IGSF21: variants seen among roughly 807,000 people sequenced by gnomAD.
IGSF21 encodes immunoglobin superfamily member 21, also known as immunoglobulin superfamily member 21.
Under a neutral mutation model 46.8 loss-of-function variants are expected in IGSF21, and 28 were observed. The observed-to-expected ratio is 0.60, with a 90% confidence interval of 0.44 to 0.82. The LOEUF (loss-of-function observed/expected upper bound fraction) is 0.82, where lower values mean the gene tolerates loss of function less well. Among genes scored for constraint, IGSF21 ranks in the 40% least tolerant of loss-of-function variants. The probability of loss-of-function intolerance (pLI) is 0.00; values close to 1 mark genes in which losing one functional copy is unlikely to be tolerated. For synonymous variants in IGSF21, 284 were observed against 273.6 expected, an observed-to-expected ratio of 1.04 and a Z score of -0.38; for missense variants, 624 against 665.5, an observed-to-expected ratio of 0.94 and a Z score of 0.69.
intron 4 of IGSF21, among the ~76,000 whole-genome samples, chr1:18,359,362 G>GAAAGA (rs2086061937): frequency 6.0e-5 from 5 of 82,734 alleles, no homozygotes; most frequent in African/African-American, 2.3e-4. Context: ...AAGAAAGAAA[G>GAAAGA]AAAGAAAGAA....
chr1:18,145,420 G>A (rs767150863), intron 1 of IGSF21, among the ~76,000 whole-genome samples: 8 of 151,890 alleles, frequency 5.3e-5, no homozygotes, highest in East Asian at 1.9e-4. Context: ...TGAAAACTCC[G>A]CTGTAAAATC....
At chr1:18,354,377 T>C (rs376676722) in intron 4 of IGSF21, among the ~76,000 whole-genome samples, 2 of 151,368 alleles carry the variant, frequency 1.3e-5, no homozygotes, top group East Asian at 1.9e-4. Flanking sequence ...GTGGAGATGA[T>C]GGGGAAGAAA....
chr1:18,170,445 C>T (rs1049443559), intron 1 of IGSF21, among the ~76,000 whole-genome samples: 11 of 151,856 alleles, frequency 7.2e-5, no homozygotes, highest in Non-Finnish European at 1.5e-4. Flanking sequence ...TACAGAGTGC[C>T]AGGTCCCACT....
At chr1:18,108,766 T>C (rs2086114931) in intron 1 of IGSF21, among the ~76,000 whole-genome samples, 1 of 151,490 alleles carries the variant, frequency 6.6e-6, no homozygotes, top group East Asian at 2.0e-4. Flanking sequence ...TGCAGGTCTC[T>C]AGGGGTGTAC....
intron 2 of IGSF21, among the ~76,000 whole-genome samples, chr1:18,246,329 T>A (rs1306124767): frequency 1.3e-5 from 2 of 152,094 alleles, no homozygotes; most frequent in African/African-American, 4.8e-5. Context: ...CCTTCCTGCC[T>A]ATAGATTTGC....
At chr1:18,120,920 A>G (rs1349852786) in intron 1 of IGSF21, among the ~76,000 whole-genome samples, 1 of 152,068 alleles carries the variant, frequency 6.6e-6, no homozygotes, top group Non-Finnish European at 1.5e-5. Context: ...GCCCTAGTCC[A>G]TCTCACTGAT....
chr1:18,369,227 A>G (rs539282669), intron 6 of IGSF21, among the ~76,000 whole-genome samples: 31 of 152,234 alleles, frequency 2.0e-4, no homozygotes, highest in African/African-American at 7.0e-4. Flanking sequence ...GAGAATTCAG[A>G]CTTCTTAACG....
chr1:18,286,638 G>A (rs942230777), intron 2 of IGSF21, among the ~76,000 whole-genome samples: 10 of 152,290 alleles, frequency 6.6e-5, no homozygotes, highest in Non-Finnish European at 1.3e-4. Context: ...CCACTGTCCC[G>A]CCTGGGCCAG....
At chr1:18,343,057 T>A (rs1394510403) in intron 4 of IGSF21, among the ~76,000 whole-genome samples, 1 of 152,228 alleles carries the variant, frequency 6.6e-6, no homozygotes, top group Non-Finnish European at 1.5e-5. Flanking sequence ...TCCCACCAAC[T>A]GCATATGAGT....
chr1:18,209,570 T>G (rs987241191), intron 1 of IGSF21, among the ~76,000 whole-genome samples: 4 of 151,076 alleles, frequency 2.6e-5, no homozygotes, highest in African/African-American at 9.7e-5. Flanking sequence ...TTCTCCTGCC[T>G]CAGCCTCCCT....
At position 18,335,211 on chromosome 1, in the gene IGSF21, C is replaced by T. The variant is rs78256626; in HGVS notation, c.424+201C>T. Among the ~76,000 whole-genome samples, 225 of 152,316 alleles carry T rather than the reference C, an allele frequency of 1.5e-3. 2 individuals are homozygous for T. In the East Asian group the frequency reaches 0.021, roughly 14 times the overall value. The stretch of plus-strand genomic sequence containing the variant: ...AGGTGTGACCCGTGAAGTCTTGCCC[C>T]CCATGGGCCTCCCCTCAGGAGGTCC... On this transcript the variant is annotated intron_variant, in intron 4 of 9. Transcript: ENST00000251296. This position sits in a 1 kb window ranked among gnomAD's most constrained non-coding sequence, Gnocchi z 4.8.
chr1:18,126,123 T>C (rs544535216), intron 1 of IGSF21, among the ~76,000 whole-genome samples: 21 of 152,198 alleles, frequency 1.4e-4, no homozygotes, highest in African/African-American at 3.6e-4. Flanking sequence ...CAACTTCCCA[T>C]AGAGGTGCCC....
chr1:18,378,212 G>A (rs1320408962), intron 9 of IGSF21, 44 bp from the exon 10 acceptor site: 1 of 1,524,450 alleles, frequency 6.6e-7, no homozygotes, highest in Admixed American at 1.7e-5. Context: ...CTGGAACGGG[G>A]TTGGGTCTGC....
intron 1 of IGSF21, among the ~76,000 whole-genome samples, chr1:18,184,063 T>G (rs2086881121): frequency 6.6e-6 from 1 of 152,156 alleles, no homozygotes; most frequent in African/African-American, 2.4e-5. Flanking sequence ...TTCTGGAGTC[T>G]GGGTTCACAT....
intron 2 of IGSF21, among the ~76,000 whole-genome samples, chr1:18,273,797 G>A (rs892830954): frequency 6.6e-6 from 1 of 151,954 alleles, no homozygotes; most frequent in Non-Finnish European, 1.5e-5. Context: ...TCCTGCAGAC[G>A]AGGTGGGAGG....
At chr1:18,324,649 T>A (rs1219558942) in intron 3 of IGSF21, among the ~76,000 whole-genome samples, 1 of 152,144 alleles carries the variant, frequency 6.6e-6, no homozygotes, top group Non-Finnish European at 1.5e-5. Flanking sequence ...GGGAGAGCTA[T>A]TAAAGGAATG....
chr1:18,250,235 A>G (rs1311171288), intron 2 of IGSF21, among the ~76,000 whole-genome samples: 3 of 151,720 alleles, frequency 2.0e-5, no homozygotes, highest in African/African-American at 7.3e-5. Context: ...CTCAGGTGCC[A>G]GGGCTGTGTC....
At position 18,361,043 on chromosome 1, in the gene IGSF21, G is replaced by C. The variant is rs2086094997; in HGVS notation, c.425-1072G>C. Among the ~76,000 whole-genome samples, 3 of 152,250 alleles carry C rather than the reference G, an allele frequency of 2.0e-5. No individual in the cohort carries two copies. The South Asian group carries it at 6.2e-4, about 32-fold the overall frequency. On this transcript the variant is annotated intron_variant, in intron 4 of 9. Coordinates refer to ENST00000251296, the MANE Select transcript of IGSF21 (RefSeq NM_032880.5). The stretch of plus-strand genomic sequence containing the variant: ...TGGGTGAGGAGAGAAGAGAGGTTGA[G>C]TGGGTGGGAGGGGTGGCCAACAAAA...
At chr1:18,113,262 G>A (rs1423445273) in intron 1 of IGSF21, 1 of 152,138 alleles carries the variant, frequency 6.6e-6, no homozygotes, top group Non-Finnish European at 1.5e-5. Context: ...GGGAAGATTG[G>A]GGTGGTGAGA....
Sources: gnomAD v4.1 joint callset for allele counts (sites outside exome capture counted in the v4.1 genomes callset) on GRCh38, gnomAD v4.1.1 for gene constraint, Gnocchi (gnomAD v3.1) non-coding constraint, MANE v1.5 for transcripts, NCBI Gene and HGNC (gene_info 2026-07-23, HGNC 2026-07-21) for gene names.